Variants in SEMA3A observed in about 807,000 individuals in gnomAD.
SEMA3A encodes the protein semaphorin-3A.
A neutral mutation model predicts 97.9 loss-of-function variants in SEMA3A; 29 were observed. That is an observed-to-expected ratio of 0.30 (90% CI 0.22 to 0.40). The LOEUF (loss-of-function observed/expected upper bound fraction) is 0.40, where lower values mean the gene tolerates loss of function less well. Ranked by LOEUF, SEMA3A falls within the 10% of genes least tolerant of loss-of-function variation. SEMA3A has a pLI of 1.00. For synonymous variants in SEMA3A, 321 were observed against 323.7 expected (o/e 0.99, Z 0.09); for missense variants, 763 against 951.3 (o/e 0.80, Z 2.60).
intron 4 of SEMA3A, among the ~76,000 whole-genome samples, chr7:84,067,435 A>G (rs1793559596): frequency 6.6e-6 from 1 of 152,012 alleles, no homozygotes; most frequent in Non-Finnish European, 1.5e-5. Flanking sequence ...ATCTAATTAA[A>G]CTAAAGAGCT....
chr7:84,268,744 G>C (rs191566208), intron 3 of SEMA3A, among the ~76,000 whole-genome samples: 1 of 152,182 alleles, frequency 6.6e-6, no homozygotes, highest in East Asian at 1.9e-4. Context: ...ACCTAAATGT[G>C]TTCTGATTTA....
intron 4 of SEMA3A, among the ~76,000 whole-genome samples, chr7:84,069,903 TTAATA>T (rs1344628777): frequency 1.3e-5 from 2 of 152,140 alleles, no homozygotes; most frequent in Non-Finnish European, 2.9e-5. Context: ...ACGAACAGTG[TTAATA>T]TAATTGCGTA....
At chr7:84,009,063 C>T (rs1174890961) in intron 9 of SEMA3A, among the ~76,000 whole-genome samples, 1 of 152,206 alleles carries the variant, frequency 6.6e-6, no homozygotes, top group Non-Finnish European at 1.5e-5. Flanking sequence ...TTATCTCTAG[C>T]TCTCAAAAGG....
chr7:84,085,915 A>G (rs1002575406), intron 4 of SEMA3A, among the ~76,000 whole-genome samples: 5 of 152,124 alleles, frequency 3.3e-5, no homozygotes, highest in African/African-American at 1.2e-4. Context: ...AACCTTAAAT[A>G]TATTGTCAAC....
intron 2 of SEMA3A, among the ~76,000 whole-genome samples, chr7:84,331,785 TGTGCGTGCATGC>T (rs1487000069): frequency 1.3e-5 from 2 of 152,036 alleles, no homozygotes; most frequent in Middle Eastern, 6.3e-3. Flanking sequence ...ATGAAGTCTG[TGTGCGTGCATGC>T]GTGCGTGCAT....
chr7:84,112,537 T>A (rs1795305615), intron 3 of SEMA3A, among the ~76,000 whole-genome samples: 1 of 152,254 alleles, frequency 6.6e-6, no homozygotes, highest in South Asian at 2.1e-4. Flanking sequence ...AGGAAAAACA[T>A]ATTTTACCAG....
At chr7:84,060,977 C>T (rs1439854368) in intron 4 of SEMA3A, among the ~76,000 whole-genome samples, 1 of 152,156 alleles carries the variant, frequency 6.6e-6, no homozygotes, top group Non-Finnish European at 1.5e-5. Flanking sequence ...CGTTAGTTGT[C>T]TAGAATAAAT....
chr7:83,996,151 C>G (rs1790207632), intron 12 of SEMA3A, among the ~76,000 whole-genome samples: 1 of 152,194 alleles, frequency 6.6e-6, no homozygotes, highest in Non-Finnish European at 1.5e-5. Context: ...CCCAAACTGA[C>G]TAGTTAAAAT....
intron 1 of SEMA3A, among the ~76,000 whole-genome samples, chr7:84,416,150 CCTAGAATT>C (rs1804427459): frequency 6.6e-6 from 1 of 152,052 alleles, no homozygotes; most frequent in Admixed American, 6.6e-5. Flanking sequence ...AATTGTATCT[CCTAGAATT>C]CCCATGTGTT....
rs1245882069 is a variant in SEMA3A at position 84,425,231 on chromosome 7, A to C, written c.-245-53331T>G. Reference sequence around the variant, plus strand: ...CGTATTTATATATACATATGAATATATATTGATATAAATATAAATATATAA... The same window carrying C: ...CGTATTTATATATACATATGAATATCTATTGATATAAATATAAATATATAA... On this transcript the variant is annotated intron_variant, in intron 1 of 3. Transcript: ENST00000424555. 3.3e-5 allele frequency among the ~76,000 whole-genome samples: 4 copies of C among 119,618 alleles called. No homozygotes were observed. The East Asian group carries it at 9.4e-4, about 28-fold the overall frequency. The allele number at this position is 119,618 out of a possible 152,430, so 78.5% of individuals were successfully genotyped here. A position where few individuals can be genotyped will look rare whatever the true frequency, so the allele number is the denominator to read the frequency against.
chr7:84,019,372 T>A (rs532299429), intron 6 of SEMA3A, among the ~76,000 whole-genome samples: 1 of 146,090 alleles, frequency 6.8e-6, no homozygotes, highest in East Asian at 2.1e-4. Flanking sequence ...TGATTAGGAG[T>A]GTACAGAGTA....
intron 2 of SEMA3A, 76 bp from the exon 3 acceptor site, chr7:84,129,261 T>C (rs1009458208): frequency 5.8e-6 from 7 of 1,212,250 alleles, no homozygotes; most frequent in East Asian, 2.3e-5. Context: ...GTCTTTTAGA[T>C]GACATTGGGG....
chr7:84,361,670 A>G (rs1011654869), intron 2 of SEMA3A, among the ~76,000 whole-genome samples: 2 of 152,030 alleles, frequency 1.3e-5, no homozygotes, highest in Admixed American at 6.6e-5. Context: ...ATCTTATGAC[A>G]TAGACAAGGA....
At chr7:84,305,579 A>C in intron 3 of SEMA3A, among the ~76,000 whole-genome samples, 1 of 151,996 alleles carries the variant, frequency 6.6e-6, no homozygotes, top group East Asian at 1.9e-4. Flanking sequence ...TTATAAATGA[A>C]TTTTTAAGTA....
At chr7:84,399,602 G>T (rs1228870) in intron 1 of SEMA3A, among the ~76,000 whole-genome samples, 25,681 of 152,138 alleles carry the variant, frequency 0.17, 2,303 homozygotes, top group Middle Eastern at 0.22. Flanking sequence ...TAAAGCACCA[G>T]GGAGAATCCC....
intron 1 of SEMA3A, among the ~76,000 whole-genome samples, chr7:84,411,002 A>G (rs946804292): frequency 6.6e-6 from 1 of 152,120 alleles, no homozygotes; most frequent in African/African-American, 2.4e-5. Flanking sequence ...CTGAAGGTTT[A>G]AGATAGAGGA....
At chr7:84,449,570 T>A (rs1425142862) in intron 1 of SEMA3A, among the ~76,000 whole-genome samples, 1 of 152,156 alleles carries the variant, frequency 6.6e-6, no homozygotes, top group Admixed American at 6.5e-5. Context: ...TTGAATTTAT[T>A]ATAAAATCCT....
chr7:83,974,382 C>G (rs1012297698), intron 15 of SEMA3A, among the ~76,000 whole-genome samples: 3 of 152,098 alleles, frequency 2.0e-5, no homozygotes, highest in African/African-American at 7.2e-5. Context: ...TATATAGTCT[C>G]TCTATTAAAA....
At chr7:84,365,696 T>G (rs889681009) in intron 2 of SEMA3A, among the ~76,000 whole-genome samples, 1 of 151,436 alleles carries the variant, frequency 6.6e-6, no homozygotes, top group Non-Finnish European at 1.5e-5. Context: ...TACTTTTTTT[T>G]GCTGCAACAA....
Sources: allele counts gnomAD v4.1 joint callset (sites outside exome capture counted in the v4.1 genomes callset), GRCh38; gene constraint gnomAD v4.1.1; transcripts MANE v1.5; gene names NCBI Gene and HGNC (gene_info 2026-07-23, HGNC 2026-07-21).